GABPA: variants seen among roughly 807,000 people sequenced by gnomAD.
The protein encoded by GABPA is GA binding protein transcription factor subunit alpha, also known as GA-binding protein alpha chain.
In GABPA, 4 loss-of-function variants were observed where a neutral mutation model predicts 59.4. The observed-to-expected ratio is 0.07, with a 90% CI of 0.03 to 0.15. The LOEUF (loss-of-function observed/expected upper bound fraction) is 0.15. Among genes scored for constraint, GABPA ranks in the 10% least tolerant of loss-of-function variants. The probability of loss-of-function intolerance (pLI) is 1.00; values close to 1 mark genes in which losing one functional copy is unlikely to be tolerated. For missense variants in GABPA, 251 were observed against 543.8 expected (o/e 0.46, Z 5.36); for synonymous variants, 164 against 183.1 (o/e 0.90, Z 0.84).
intron 5 of GABPA, 100 bp from the exon 6 acceptor site, chr21:25,757,910 A>G (rs560592145): frequency 7.7e-5 from 37 of 480,316 alleles, no homozygotes; most frequent in Admixed American, 1.2e-4. Flanking sequence ...ACTTGGGGAA[A>G]GAAAACATCT....
intron 1 of GABPA, among the ~76,000 whole-genome samples, chr21:25,738,389 C>G (rs1449177256): frequency 6.6e-6 from 1 of 152,028 alleles, no homozygotes; most frequent in African/African-American, 2.4e-5. Flanking sequence ...TAATTTGTCC[C>G]TTTTTTTGGT....
Position 25,746,923 on chromosome 21 carries a change from AATT to A in GABPA, c.222+1570_222+1572del, listed in dbSNP as rs2035381411. ...CCAAAAATGAGATTTGATAGAATAG[AATT>A]CGAGGTAGCCATTAAAAACTGGTGA... is the stretch of plus-strand genomic sequence containing the variant. On this transcript the variant is annotated intron_variant, in intron 3 of 9. Coordinates refer to ENST00000400075, the MANE Select transcript of GABPA (RefSeq NM_002040.4). 2.0e-5 allele frequency among the ~76,000 whole-genome samples: 3 copies of A among 152,316 alleles called. No individual in the cohort carries two copies. In the South Asian group the frequency reaches 6.2e-4, roughly 32 times the overall value.
At chr21:25,752,363 C>T in intron 5 of GABPA, 129 bp downstream of exon 5, 4 of 982,374 alleles carry the variant, frequency 4.1e-6, no homozygotes, top group South Asian at 3.5e-5. Flanking sequence ...TTCTGTATCT[C>T]TCTTTTAATT....
At position 25,770,896 on chromosome 21, in the gene GABPA, G is replaced by A. The variant is rs1488803058; in HGVS notation, c.*1664G>A. ...ATATTATTAAGCTCTTCCTGCAGTT[G>A]ATATCTGAGCAGAGTAAGATTTGTA... On this transcript the variant is annotated 3_prime_UTR_variant, in exon 10 of 10. Coordinates refer to ENST00000400075, the MANE Select transcript of GABPA (RefSeq NM_002040.4). 1 of 152,020 alleles carries A rather than the reference G, an allele frequency of 6.6e-6. No homozygotes were observed. Among genetic ancestry groups the A allele is most frequent in the Non-Finnish European group, 1.5e-5 (1 of 67,910 alleles). 9.4% of individuals were successfully genotyped at this position (152,020 alleles called of 1,614,324 possible). A position where few individuals can be genotyped will look rare whatever the true frequency, so the allele number is the denominator to read the frequency against.
intron 5 of GABPA, among the ~76,000 whole-genome samples, chr21:25,755,399 A>G (rs2035609376): frequency 2.7e-5 from 4 of 148,608 alleles, no homozygotes; most frequent in South Asian, 4.3e-4. Context: ...TGGCACCACT[A>G]TACTCCAGCC....
At chr21:25,745,523 C>A (rs970416406) in intron 3 of GABPA, among the ~76,000 whole-genome samples, 169 bp downstream of exon 3, 2 of 152,092 alleles carry the variant, frequency 1.3e-5, no homozygotes, top group Non-Finnish European at 2.9e-5. Context: ...GCAAAGTTTT[C>A]TCCATTTAAA....
intron 4 of GABPA, 48 bp from the exon 5 acceptor site, chr21:25,751,941 T>C (rs2035523562): frequency 6.3e-7 from 1 of 1,593,634 alleles, no homozygotes; most frequent in African/African-American, 1.3e-5. Context: ...TTTTGGTGAC[T>C]TCTGCGTTTT....
Position 25,735,274 on chromosome 21 carries a change from G to A in GABPA, c.-331G>A. On this transcript the variant is annotated 5_prime_UTR_variant, in exon 1 of 10. In the 5' UTR this introduces an upstream ATG that the reference lacks. Transcript: ENST00000400075. The stretch of plus-strand genomic sequence containing the variant: ...ATAAAGGTGCAGGGAAAGTGAGACT[G>A]TGTAAAACAAAGCGGATTGGGGCGT... 1 of 445,384 alleles carries A rather than the reference G, an allele frequency of 2.2e-6. No individual in the cohort carries two copies. The highest frequency in any genetic ancestry group is 3.0e-5 in the South Asian group (1 of 32,840). The allele number at this position is 445,384 out of a possible 1,614,324, so 27.6% of individuals were successfully genotyped here. A position where few individuals can be genotyped will look rare whatever the true frequency, so the allele number is the denominator to read the frequency against.
rs1383328094 is a variant in GABPA at position 25,735,187 on chromosome 21, C to T, written c.-418C>T. The T allele has an allele frequency of 6.6e-6, 4 of 602,516 alleles. No homozygotes were observed. The highest frequency in any genetic ancestry group is 5.5e-5 in the African/African-American group (3 of 54,098). The allele number at this position is 602,516 out of a possible 1,614,324, so 37.3% of individuals were successfully genotyped here. On this transcript the variant is annotated 5_prime_UTR_variant, in exon 1 of 10. Coordinates refer to ENST00000400075, the MANE Select transcript of GABPA (RefSeq NM_002040.4). ...TGTACGCATGCGCTCTTTGAGTGGC[C>T]TTTCCCCTAGTTCAAGCTCCCCTCC... is the stretch of plus-strand genomic sequence containing the variant.
At chr21:25,764,883 A>G in intron 9 of GABPA, 96 bp downstream of exon 9, 2 of 829,580 alleles carry the variant, frequency 2.4e-6, no homozygotes, top group Non-Finnish European at 3.4e-6. Context: ...TTATGTAATG[A>G]TATTAAAAAC....
At chr21:25,748,040 G>T (rs2035412721) in intron 3 of GABPA, among the ~76,000 whole-genome samples, 1 of 152,120 alleles carries the variant, frequency 6.6e-6, no homozygotes, top group Admixed American at 6.6e-5. Context: ...CCAAGTAGCT[G>T]GGATTACAGG....
chr21:25,765,820 G>A (rs1046283959), intron 9 of GABPA, among the ~76,000 whole-genome samples: 4 of 151,346 alleles, frequency 2.6e-5, no homozygotes, highest in African/African-American at 9.7e-5. Flanking sequence ...CAGGTAAATT[G>A]TTAGAGTTAA....
At position 25,736,624 on chromosome 21, in the gene GABPA, G is replaced by A. The variant is rs560972547; in HGVS notation, c.-27+1046G>A. ...AATTAAATCATGAGCTAGATGTTAG[G>A]TTGAAGCAAATCATCAGACCGAGTA... On this transcript the variant is annotated intron_variant, in intron 1 of 9. Coordinates refer to ENST00000400075, the MANE Select transcript of GABPA (RefSeq NM_002040.4). Among the ~76,000 whole-genome samples, 12 of 152,286 alleles carry A rather than the reference G, an allele frequency of 7.9e-5. No homozygotes were observed. In the South Asian group the frequency reaches 2.5e-3, roughly 32 times the overall value.
At chr21:25,749,145 T>C in intron 4 of GABPA, 25 bp downstream of exon 4, 6 of 1,318,288 alleles carry the variant, frequency 4.6e-6, no homozygotes, top group Non-Finnish European at 6.5e-6. Flanking sequence ...ATGATAGTTA[T>C]TTAAAATTTT....
intron 9 of GABPA, among the ~76,000 whole-genome samples, chr21:25,767,093 A>C (rs2035908428): frequency 1.3e-5 from 2 of 151,960 alleles, no homozygotes; most frequent in African/African-American, 4.8e-5. Flanking sequence ...GTATTTAGGG[A>C]TGCATGTTTG....
intron 3 of GABPA, among the ~76,000 whole-genome samples, chr21:25,747,494 C>T (rs2035397341): frequency 6.6e-6 from 1 of 152,198 alleles, no homozygotes; most frequent in Non-Finnish European, 1.5e-5. Context: ...TTTTGCATTA[C>T]TCCTTGTCCC....
At chr21:25,747,019 G>A (rs951985720) in intron 3 of GABPA, among the ~76,000 whole-genome samples, 2 of 152,090 alleles carry the variant, frequency 1.3e-5, no homozygotes, top group South Asian at 2.1e-4. Context: ...ATTCTCTCAC[G>A]TAATCTTCAC....
chr21:25,766,307 T>C (rs2146102873), intron 9 of GABPA, among the ~76,000 whole-genome samples: 1 of 152,010 alleles, frequency 6.6e-6, no homozygotes, highest in Admixed American at 6.6e-5. Context: ...ATGTAAAAAG[T>C]AAAATAGAAA....
In GABPA at chr21:25,752,233, T is replaced by C; in HGVS notation, c.552T>C (p.Tyr184=). Residue 184 remains tyrosine, a splice_region_variant and synonymous_variant, in exon 5 of 10, where the codon TAT becomes TAC. Coordinates refer to ENST00000400075, the MANE Select transcript of GABPA (RefSeq NM_002040.4). ...RKEQERLGIP[Y]DPIQWSTDQV... ...AACAAGAACGCCTTGGGATACCCTA[T>C]GGTAATAAAATGCATAATTCTATAT... 1.9e-6 allele frequency: 3 copies of C among 1,613,280 alleles called. No individual in the cohort carries two copies. Among genetic ancestry groups the C allele is most frequent in the Non-Finnish European group, 2.5e-6 (3 of 1,179,568 alleles).
Sources: allele counts gnomAD v4.1 joint callset (sites outside exome capture counted in the v4.1 genomes callset), GRCh38; gene constraint gnomAD v4.1.1; transcripts MANE v1.5; gene names NCBI Gene and HGNC (gene_info 2026-07-23, HGNC 2026-07-21).